SIL1: variants seen among roughly 807,000 people sequenced by gnomAD.
SIL1 encodes nucleotide exchange factor SIL1.
SIL1 carries 40 observed loss-of-function variants against 49.1 expected under a neutral mutation model. That is an observed-to-expected ratio of 0.81 (90% CI 0.63 to 1.06). SIL1 has a LOEUF of 1.06. Ranked by LOEUF, SIL1 falls within the 50% of genes least tolerant of loss-of-function variation. The probability of loss-of-function intolerance (pLI) is 0.00; values close to 1 mark genes in which losing one functional copy is unlikely to be tolerated. For synonymous variants in SIL1, 253 were observed against 250.8 expected, an observed-to-expected ratio of 1.01 and a Z score of -0.08; for missense variants, 500 against 572.6, an observed-to-expected ratio of 0.87 and a Z score of 1.29.
intron 3 of SIL1, among the ~76,000 whole-genome samples, chr5:139,096,809 C>G (rs1770476872): frequency 6.6e-6 from 1 of 151,900 alleles, no homozygotes; most frequent in African/African-American, 2.4e-5. Context: ...CAATGATGCC[C>G]AGGTACCATG....
intron 1 of SIL1, among the ~76,000 whole-genome samples, chr5:139,165,862 A>T (rs1375159072): frequency 6.7e-6 from 1 of 150,248 alleles, no homozygotes; most frequent in East Asian, 2.0e-4. Flanking sequence ...ATGGAGTTTC[A>T]CCGTGTTAGC....
intron 7 of SIL1, among the ~76,000 whole-genome samples, chr5:139,011,048 G>A (rs1486028612): frequency 2.0e-5 from 3 of 149,830 alleles, no homozygotes; most frequent in African/African-American, 7.4e-5. Context: ...AATGGCGGGC[G>A]CCCCTCCCCC....
chr5:139,095,686 A>G (rs1169300387), intron 3 of SIL1, among the ~76,000 whole-genome samples: 1 of 152,170 alleles, frequency 6.6e-6, no homozygotes, highest in Non-Finnish European at 1.5e-5. Context: ...AAAATGAGCC[A>G]TTGTGGTGGC....
At chr5:139,043,312 G>A (rs751351476) in intron 4 of SIL1, among the ~76,000 whole-genome samples, 15 of 152,182 alleles carry the variant, frequency 9.9e-5, no homozygotes, top group Non-Finnish European at 1.2e-4. Context: ...CCCTCAGCAC[G>A]CTGCCAGGGC....
At chr5:139,007,540 G>A (rs1768150106) in intron 7 of SIL1, among the ~76,000 whole-genome samples, 1 of 88,364 alleles carries the variant, frequency 1.1e-5, no homozygotes, top group Non-Finnish European at 2.2e-5. Flanking sequence ...TCTTGTGCCA[G>A]TTTTCAAAGG....
intron 7 of SIL1, among the ~76,000 whole-genome samples, chr5:139,000,792 G>A (rs1397742895): frequency 6.6e-6 from 1 of 151,782 alleles, no homozygotes; most frequent in Admixed American, 6.6e-5. Flanking sequence ...GAAATGACCC[G>A]CTACACACAA....
chr5:139,050,925 G>T lies in SIL1; in HGVS notation c.353+13C>A. ...ATCACTTAGCCTCCCAGTCCCTAGG[G>T]TTGACACTGTACCTTTTGCCTTTCA... On this transcript the variant is annotated intron_variant, in intron 4 of 9. Coordinates refer to ENST00000394817, the MANE Select transcript of SIL1 (RefSeq NM_022464.5). The T allele has an allele frequency of 1.2e-6, 2 of 1,607,210 alleles. No homozygotes were observed. The highest frequency in any genetic ancestry group is 1.7e-4 in the Middle Eastern group (1 of 6,056).
At chr5:139,002,265 C>T (rs547312440) in intron 7 of SIL1, among the ~76,000 whole-genome samples, 37 of 151,684 alleles carry the variant, frequency 2.4e-4, no homozygotes, top group South Asian at 2.1e-3. Flanking sequence ...TGGTTACCTC[C>T]GGGGGTGAAC....
intron 6 of SIL1, 106 bp from the exon 7 acceptor site, chr5:139,021,398 G>GA: frequency 1.5e-5 from 22 of 1,514,312 alleles, no homozygotes; most frequent in Non-Finnish European, 2.0e-5. Flanking sequence ...AAAAGCCATG[G>GA]AAAAATCAAT....
In SIL1 at chr5:138,965,591, G is replaced by A. The variant is rs531128880; in HGVS notation, c.768-13707C>T. Among the ~76,000 whole-genome samples, 21 of 152,048 alleles carry A rather than the reference G, an allele frequency of 1.4e-4. No homozygotes were observed. The East Asian group carries it at 4.0e-3, about 29-fold the overall frequency. ...AAGCTTTGTGTTAAGTTCTATGGAA[G>A]ACACAAAGGTGAATAAAGCACTTTC... On this transcript the variant is annotated intron_variant, in intron 7 of 9. Transcript: ENST00000394817.
intron 1 of SIL1, among the ~76,000 whole-genome samples, chr5:139,192,716 G>A (rs1752195246): frequency 6.6e-6 from 1 of 152,084 alleles, no homozygotes. Context: ...AATAAACTTG[G>A]CTGGGTGTGG....
At chr5:139,112,890 G>A (rs1770899721) in intron 3 of SIL1, among the ~76,000 whole-genome samples, 1 of 152,242 alleles carries the variant, frequency 6.6e-6, no homozygotes, top group East Asian at 1.9e-4. Context: ...AGAGAAATCA[G>A]ATTGTTGCTG....
chr5:139,030,491 A>C (rs1768762632), intron 5 of SIL1, among the ~76,000 whole-genome samples: 2 of 149,648 alleles, frequency 1.3e-5, no homozygotes, highest in South Asian at 4.2e-4. Flanking sequence ...AAAAAAATGT[A>C]TTTTTTGGTG....
At chr5:139,043,935 G>A (rs1303963826) in intron 4 of SIL1, among the ~76,000 whole-genome samples, 1 of 152,128 alleles carries the variant, frequency 6.6e-6, no homozygotes, top group African/African-American at 2.4e-5. Context: ...GAGGAGGAAG[G>A]GGCTACTGGC....
At chr5:139,169,894 CCA>C (rs1012391643) in intron 1 of SIL1, among the ~76,000 whole-genome samples, 4 of 95,726 alleles carry the variant, frequency 4.2e-5, no homozygotes, top group Non-Finnish European at 1.2e-4. Context: ...CCCTCTCTCT[CCA>C]CAGTCTCCCT....
chr5:139,088,604 C>G (rs1403866749), intron 3 of SIL1, among the ~76,000 whole-genome samples: 1 of 152,236 alleles, frequency 6.6e-6, no homozygotes, highest in Non-Finnish European at 1.5e-5. Context: ...ACTGCCTATA[C>G]TGTGGCAGAT....
At chr5:139,110,142 C>A (rs1770811199) in intron 3 of SIL1, among the ~76,000 whole-genome samples, 1 of 149,266 alleles carries the variant, frequency 6.7e-6, no homozygotes, top group Non-Finnish European at 1.5e-5. Flanking sequence ...GCACTCCAGC[C>A]TGGGTGACAG....
intron 1 of SIL1, chr5:139,196,619 T>G (rs1255362787): frequency 2.0e-5 from 3 of 152,158 alleles, no homozygotes; most frequent in African/African-American, 7.2e-5. Context: ...TACTAACATT[T>G]CCATCACCTG....
intron 5 of SIL1, 74 bp from the exon 6 acceptor site, chr5:139,027,066 T>G (rs1768674399): frequency 7.0e-7 from 1 of 1,435,740 alleles, no homozygotes. Context: ...CTACCATGGA[T>G]GCCCATCCTC....
Sources: allele counts gnomAD v4.1 joint callset (sites outside exome capture counted in the v4.1 genomes callset), GRCh38; gene constraint gnomAD v4.1.1; transcripts MANE v1.5; gene names NCBI Gene and HGNC (gene_info 2026-07-23, HGNC 2026-07-21).